The following PPA1 variants were observed in gnomAD, a reference collection of about 807,000 sequenced individuals.
PPA1 encodes the protein inorganic pyrophosphatase 1, also known as inorganic pyrophosphatase.
A neutral mutation model predicts 41.8 loss-of-function variants in PPA1; 23 were observed. The observed-to-expected ratio is 0.55, with a 90% CI of 0.40 to 0.78. The LOEUF (loss-of-function observed/expected upper bound fraction) is 0.78. Among genes scored for constraint, PPA1 ranks in the 30% least tolerant of loss-of-function variants. The pLI is 0.00. For missense variants in PPA1, 320 were observed against 361.6 expected (o/e 0.89, Z 0.93); for synonymous variants, 101 against 116.8 (o/e 0.86, Z 0.87).
chr10:70,221,446 G>A (rs546514140), intron 2 of PPA1, among the ~76,000 whole-genome samples: 165 of 152,112 alleles, frequency 1.1e-3, no homozygotes, highest in Admixed American at 2.6e-3. Context: ...AAAGAATGGA[G>A]ATATTACTTA....
chr10:70,206,919 A>T (rs1032201555), intron 8 of PPA1, among the ~76,000 whole-genome samples: 1 of 136,068 alleles, frequency 7.3e-6, no homozygotes, highest in African/African-American at 3.0e-5. Context: ...AAAGAAACTG[A>T]GATTGAATGC....
At chr10:70,209,879 A>G (rs1839997277) in intron 6 of PPA1, 194 bp from the exon 7 acceptor site, 6 of 613,472 alleles carry the variant, frequency 9.8e-6, no homozygotes, top group Non-Finnish European at 1.7e-5. Flanking sequence ...TGTTGAGAAG[A>G]GAAGCCATAC....
At position 70,213,512 on chromosome 10, in the gene PPA1, C is replaced by G. The variant is rs763838796; in HGVS notation, c.462G>C (p.Trp154Cys). ...CATCCACATTAATGGCAATGACTTT[C>G]CAGTCGGTTTCCCCTTCGTCAATCA... Reference protein sequence around the residue: ...LAMIDEGETDWKVIAINVDDP... With the variant: ...LAMIDEGETDCKVIAINVDDP... The change falls in exon 6 of 11, where the codon TGG (tryptophan) becomes TGC (cysteine). Residue 154 changes from tryptophan to cysteine, a missense_variant. Coordinates refer to ENST00000373232, the MANE Select transcript of PPA1 (RefSeq NM_021129.4). 1.2e-6 allele frequency: 2 copies of G among 1,613,940 alleles called. No individual in the cohort carries two copies. The highest frequency in any genetic ancestry group is 2.7e-5 in the African/African-American group (2 of 74,934).
In PPA1 at chr10:70,217,844, C is replaced by T; in HGVS notation, c.265G>A (p.Gly89Arg). The part of the protein sequence containing the change: ...RYVANLFPYK[G>R]YIWNYGAIPQ... ...ATGGCACCATAGTTCCAGATATATC[C>T]TTTATACGGGAACAAATTCGCAACA... The change falls in exon 4 of 11, where the codon GGA becomes AGA. Residue 89 changes from glycine (G) to arginine (R), a missense_variant. Physicochemically the swap from Gly to Arg is moderately radical, Grantham distance 125. Transcript: ENST00000373232. The T allele has an allele frequency of 6.2e-7, 1 of 1,604,446 alleles. No homozygotes were observed. Among genetic ancestry groups the T allele is most frequent in the East Asian group, 2.2e-5 (1 of 44,716 alleles).
intron 9 of PPA1, chr10:70,206,019 T>C (rs117980271): frequency 6.1e-4 from 285 of 469,676 alleles, no homozygotes; most frequent in Non-Finnish European, 9.7e-4. Flanking sequence ...CCATTCTGAT[T>C]TTTACAAATC....
Position 70,217,305 on chromosome 10 carries a change from G to A in PPA1, c.297+507C>T, listed in dbSNP as rs559799097. 6.6e-5 allele frequency among the ~76,000 whole-genome samples: 10 copies of A among 152,234 alleles called. No individual in the cohort carries two copies. The East Asian group carries it at 1.9e-3, about 29-fold the overall frequency. Reference sequence around the variant, plus strand: ...GTCAGCAGCTATGACAGCTTGTTGTGTGCAGGTATTAAGTGCTTTATTTTT... The same window carrying A: ...GTCAGCAGCTATGACAGCTTGTTGTATGCAGGTATTAAGTGCTTTATTTTT... On this transcript the variant is annotated intron_variant, in intron 4 of 10. Coordinates refer to ENST00000373232, the MANE Select transcript of PPA1 (RefSeq NM_021129.4).
rs762953690 is a variant in PPA1 at position 70,209,711 on chromosome 10, A to G, written c.512-26T>C. On this transcript the variant is annotated intron_variant, in intron 6 of 10. Coordinates refer to ENST00000373232, the MANE Select transcript of PPA1 (RefSeq NM_021129.4). ...CTAAGAAGAGAAGAAGCATAAGATGACAGTGAGAATGATTTTTTTAAAAAG... is the reference window on the plus strand; with the variant it reads ...CTAAGAAGAGAAGAAGCATAAGATGGCAGTGAGAATGATTTTTTTAAAAAG... The G allele has an allele frequency of 5.1e-6, 8 of 1,558,572 alleles. No homozygotes were observed. The Admixed American group carries it at 1.6e-4, about 31-fold the overall frequency.
chr10:70,208,291 C>A (rs567842349), intron 8 of PPA1, among the ~76,000 whole-genome samples: 1 of 151,924 alleles, frequency 6.6e-6, no homozygotes, highest in African/African-American at 2.4e-5. Context: ...TCATAGAAAT[C>A]GTAAGATACG....
intron 4 of PPA1, among the ~76,000 whole-genome samples, chr10:70,215,679 C>T (rs1331467504): frequency 5.9e-5 from 9 of 151,982 alleles, no homozygotes; most frequent in African/African-American, 1.9e-4. Context: ...TGGGGTTTCA[C>T]CATGTTGGCC....
chr10:70,218,256 T>C (rs182629324), intron 3 of PPA1, among the ~76,000 whole-genome samples: 15 of 152,320 alleles, frequency 9.8e-5, no homozygotes, highest in African/African-American at 2.4e-4. Context: ...AAATAAATAT[T>C]ATCCAATTTT....
At position 70,228,861 on chromosome 10, in the gene PPA1, A is replaced by C. The variant is rs142604321; in HGVS notation, c.123+1480T>G. Among the ~76,000 whole-genome samples the C allele has an allele frequency of 3.3e-5, 5 of 152,338 alleles. No homozygotes were observed. In the East Asian group the frequency reaches 9.6e-4, roughly 29 times the overall value. ...GCAATGAATGTGTCTATTTCTATCT[A>C]ATAGTCAGGCCCAGAAAAACAGTAA... On this transcript the variant is annotated intron_variant, in intron 2 of 10. Transcript: ENST00000373232.
intron 6 of PPA1, among the ~76,000 whole-genome samples, chr10:70,213,145 T>C (rs1220400249): frequency 1.3e-5 from 2 of 152,312 alleles, no homozygotes; most frequent in East Asian, 1.9e-4. Flanking sequence ...CATTTTACAA[T>C]GGTGACTCTT....
At chr10:70,209,375 T>A in intron 7 of PPA1, 85 bp from the exon 8 acceptor site, 10 of 1,328,500 alleles carry the variant, frequency 7.5e-6, no homozygotes, top group Admixed American at 2.3e-5. Flanking sequence ...TGATACTTTG[T>A]CTCTTCTGAA....
intron 2 of PPA1, among the ~76,000 whole-genome samples, chr10:70,226,246 T>C (rs1393680974): frequency 6.6e-6 from 1 of 152,226 alleles, no homozygotes; most frequent in African/African-American, 2.4e-5. Context: ...TGTACCTGTG[T>C]AGAGCAATAA....
At chr10:70,213,091 T>C (rs1051840256) in intron 6 of PPA1, among the ~76,000 whole-genome samples, 3 of 152,218 alleles carry the variant, frequency 2.0e-5, no homozygotes, top group Non-Finnish European at 4.4e-5. Context: ...AGAGTGGTGA[T>C]GGTTGTACAA....
At chr10:70,213,300 G>A (rs775412400) in intron 6 of PPA1, among the ~76,000 whole-genome samples, 163 bp downstream of exon 6, 38 of 152,196 alleles carry the variant, frequency 2.5e-4, no homozygotes, top group Non-Finnish European at 5.0e-4. Flanking sequence ...AGTTTACTTA[G>A]TTAATTACAA....
Position 70,217,828 on chromosome 10 carries a change from T to A in PPA1, c.281A>T (p.Tyr94Phe), listed in dbSNP as rs762025282. The part of the protein sequence containing the change: ...LFPYKGYIWN[Y>F]GAIPQTWEDP... Reference sequence around the variant, plus strand: ...AAGACATACCTGAGGGATGGCACCATAGTTCCAGATATATCCTTTATACGG... The same window carrying A: ...AAGACATACCTGAGGGATGGCACCAAAGTTCCAGATATATCCTTTATACGG... The change falls in exon 4 of 11, where the codon TAT (tyrosine) becomes TTT (phenylalanine). Residue 94 changes from tyrosine (Y) to phenylalanine (F), a missense_variant. Transcript: ENST00000373232. The A allele has an allele frequency of 6.3e-7, 1 of 1,581,192 alleles. No homozygotes were observed. The highest frequency in any genetic ancestry group is 1.9e-4 in the Middle Eastern group (1 of 5,132).
At chr10:70,210,668 TA>T (rs1564581405) in intron 6 of PPA1, among the ~76,000 whole-genome samples, 1 of 152,088 alleles carries the variant, frequency 6.6e-6, no homozygotes, top group Non-Finnish European at 1.5e-5. Flanking sequence ...ATACACATCC[TA>T]AAAAGTCAGT....
Position 70,233,417 on chromosome 10 carries a change from C to A in PPA1, c.-90G>T. The A allele has an allele frequency of 6.8e-7, 1 of 1,474,608 alleles. No individual in the cohort carries two copies. Among genetic ancestry groups the A allele is most frequent in the Admixed American group, 2.4e-5 (1 of 42,472 alleles). The allele number at this position is 1,474,608 out of a possible 1,614,324, so 91.3% of individuals were successfully genotyped here. On this transcript the variant is annotated 5_prime_UTR_variant, in exon 1 of 11. Coordinates refer to ENST00000373232, the MANE Select transcript of PPA1 (RefSeq NM_021129.4). ...AAGGAGAGAGCCCCACGCCTGCGCA[C>A]TGCGAGCACTGGACCGGCGGGCGGG... is the stretch of plus-strand genomic sequence containing the variant.
Sources: gnomAD v4.1 joint callset for allele counts (sites outside exome capture counted in the v4.1 genomes callset) on GRCh38, gnomAD v4.1.1 for gene constraint, MANE v1.5 for transcripts, NCBI Gene and HGNC (gene_info 2026-07-23, HGNC 2026-07-21) for gene names.